Variants in SCN2A observed in about 807,000 individuals in gnomAD.
SCN2A encodes the protein sodium voltage-gated channel alpha subunit 2.
In SCN2A, 20 loss-of-function variants were observed where a neutral mutation model predicts 188.7. The ratio of observed to expected loss-of-function variants is 0.11; its 90% CI spans 0.07 to 0.15. The LOEUF is 0.15. Ranked by LOEUF, SCN2A falls within the 10% of genes least tolerant of loss-of-function variation. The probability of loss-of-function intolerance (pLI) is 1.00; values close to 1 mark genes in which losing one functional copy is unlikely to be tolerated. For synonymous variants in SCN2A, 804 were observed against 833.1 expected, an observed-to-expected ratio of 0.97 and a Z score of 0.60; for missense variants, 1,278 against 2,445.0, an observed-to-expected ratio of 0.52 and a Z score of 10.07.
At chr2:165,239,704 T>C in intron 1 of SCN2A, 64 bp downstream of exon 1, 1 of 736,722 alleles carries the variant, frequency 1.4e-6, no homozygotes, top group Non-Finnish European at 1.7e-6. Context: ...AGAATGACAT[T>C]TAATATAAGA....
At position 165,295,945 on chromosome 2, in the gene SCN2A, G is replaced by T. The variant is rs754993031; in HGVS notation, c.122G>T (p.Arg41Leu). 6.2e-7 allele frequency: 1 copy of T among 1,614,096 alleles called. No homozygotes were observed. The highest frequency in any genetic ancestry group is 1.7e-5 in the Admixed American group (1 of 59,990). ...AAAGCTAAGAGACCCAAACAGGAAC[G>T]CAAGGATGAGGATGATGAAAATGGC... ...EEKAKRPKQERKDEDDENGPK... is the reference protein window; with the variant it reads ...EEKAKRPKQELKDEDDENGPK... The change falls in exon 2 of 27, where the codon CGC becomes CTC. Residue 41 changes from arginine to leucine, a missense_variant. Arg to Leu is a moderately radical substitution (Grantham distance 102). Around this residue, in one of 17 missense-constraint regions of SCN2A, gnomAD observed 141 missense variants for 185.4 expected, o/e 0.76. Transcript: ENST00000375437.
Position 165,304,989 on chromosome 2 carries a change from T to C in SCN2A, c.387-2859T>C, listed in dbSNP as rs73969348. Among the ~76,000 whole-genome samples, 669 of 152,304 alleles carry C rather than the reference T, an allele frequency of 4.4e-3. 3 individuals are homozygous for C. Among genetic ancestry groups the C allele is most frequent in the African/African-American group, 0.013 (550 of 41,566 alleles). On this transcript the variant is annotated intron_variant, in intron 3 of 26. Coordinates refer to ENST00000375437, the MANE Select transcript of SCN2A (RefSeq NM_001040142.2). ...GGAGCCAAACATGAATTTGGAAACATCAGTTTAGAGGAGACTGCAATAATC... is the reference window on the plus strand; with the variant it reads ...GGAGCCAAACATGAATTTGGAAACACCAGTTTAGAGGAGACTGCAATAATC...
chr2:165,324,458 ATCT>A (rs1156680624), intron 12 of SCN2A, among the ~76,000 whole-genome samples: 2 of 152,220 alleles, frequency 1.3e-5, no homozygotes, highest in Non-Finnish European at 2.9e-5. Flanking sequence ...AATAGCCATT[ATCT>A]TCTTCACATT....
At chr2:165,291,971 TGAATTGAGGTCTG>T (rs1372209846) in intron 1 of SCN2A, among the ~76,000 whole-genome samples, 1 of 151,998 alleles carries the variant, frequency 6.6e-6, no homozygotes, top group East Asian at 2.0e-4. Context: ...TTCTTCCCAC[TGAATTGAGGTCTG>T]GAAGGTTGGG....
Position 165,389,539 on chromosome 2 carries a change from T to C in SCN2A, c.5733T>C (p.Ile1911=), listed in dbSNP as rs376740497. ...AACAAGAGGAGGTGTCTGCTATTAT[T>C]ATCCAGAGGGCTTACAGACGCTACC... is the stretch of plus-strand genomic sequence containing the variant. The part of the protein sequence containing the change: ...KRKQEEVSAI[I]IQRAYRRYLL... The change falls in exon 27 of 27, where the codon ATT becomes ATC. Residue 1911 remains isoleucine, a synonymous_variant. Transcript: ENST00000375437. This position sits in a 1 kb window ranked among gnomAD's most constrained non-coding sequence, Gnocchi z 4.2. 55 of 1,613,812 alleles carry C rather than the reference T, an allele frequency of 3.4e-5. No homozygotes were observed. Among genetic ancestry groups the C allele is most frequent in the Non-Finnish European group, 4.3e-5 (51 of 1,179,968 alleles).
intron 1 of SCN2A, among the ~76,000 whole-genome samples, chr2:165,241,903 G>A (rs1693638450): frequency 6.6e-6 from 1 of 152,260 alleles, no homozygotes; most frequent in African/African-American, 2.4e-5. Flanking sequence ...ACAGAAAGTT[G>A]CTTATTCCAG....
chr2:165,326,863 T>C lies in SCN2A; in HGVS notation c.2028T>C (p.Thr676=). The C allele has an allele frequency of 6.2e-7, 1 of 1,613,958 alleles. No individual in the cohort carries two copies. Among genetic ancestry groups the C allele is most frequent in the Non-Finnish European group, 8.5e-7 (1 of 1,179,886 alleles). Residue 676 remains threonine (T), a synonymous_variant, in exon 13 of 27, where the codon ACT becomes ACC. Transcript: ENST00000375437. ...AATTCTACTTCTAGGGCACAACTAC[T>C]GAAACAGAAATAAGAAAGAGACGGT... ...AGQLLPEGTT[T]ETEIRKRRSS...
intron 16 of SCN2A, among the ~76,000 whole-genome samples, chr2:165,348,106 C>T (rs561526712): frequency 9.0e-4 from 137 of 152,220 alleles, no homozygotes; most frequent in Non-Finnish European, 1.5e-3. Flanking sequence ...CGCCTGTAAT[C>T]GCAGCATTTT....
rs1553463905 is a variant in SCN2A, at chr2:165,389,672, G to C, written c.5866G>C (p.Glu1956Gln). ...AGATACTCTCATTGATAAACTGAAT[G>C]AGAATTCAACTCCAGAGAAAACCGA... ...KEDTLIDKLN[E>Q]NSTPEKTDMT... is the part of the protein sequence containing the mutation. Residue 1956 changes from glutamate (E) to glutamine (Q), a missense_variant, in exon 27 of 27, where the codon GAG (glutamate) becomes CAG (glutamine). This residue lies in a region of SCN2A where 109 missense variants were observed against 137.9 expected (regional missense o/e 0.79). Coordinates refer to ENST00000375437, the MANE Select transcript of SCN2A (RefSeq NM_001040142.2). The surrounding 1 kb of genome is among the most constrained non-coding windows in gnomAD (Gnocchi z 4.2). The C allele has an allele frequency of 6.2e-7, 1 of 1,613,930 alleles. No homozygotes were observed. Among genetic ancestry groups the C allele is most frequent in the East Asian group, 2.2e-5 (1 of 44,864 alleles).
In SCN2A at chr2:165,365,152, G is replaced by A; in HGVS notation, c.3409G>A (p.Ala1137Thr). ...DMEESKEKLN[A>T]TSSSEGSTVD... ...TGGGATTGATTTTCAGAAGCTAAAT[G>A]CAACTAGTTCATCTGAAGGCAGCAC... is the stretch of plus-strand genomic sequence containing the variant. The change falls in exon 18 of 27, where the codon GCA (alanine) becomes ACA (threonine). Residue 1137 changes from alanine (A) to threonine (T), a missense_variant. Physicochemically the swap from Ala to Thr is moderately conservative, Grantham distance 58. This residue lies in a region of SCN2A where 228 missense variants were observed against 297.3 expected (regional missense o/e 0.77). Transcript: ENST00000375437. 6.2e-7 allele frequency: 1 copy of A among 1,612,736 alleles called. No individual in the cohort carries two copies. Among genetic ancestry groups the A allele is most frequent in the Non-Finnish European group, 8.5e-7 (1 of 1,179,208 alleles).
chr2:165,314,763 G>A (rs1697641203), intron 10 of SCN2A, among the ~76,000 whole-genome samples: 1 of 152,048 alleles, frequency 6.6e-6, no homozygotes, highest in South Asian at 2.1e-4. Context: ...TTGACTTAAT[G>A]GCATTAACTA....
intron 22 of SCN2A, among the ~76,000 whole-genome samples, chr2:165,376,638 T>C (rs1242701832): frequency 6.6e-6 from 1 of 151,912 alleles, no homozygotes; most frequent in Non-Finnish European, 1.5e-5. Flanking sequence ...TAGGCACTCA[T>C]TGTTTTCCTC....
chr2:165,315,618 A>G lies in SCN2A; in HGVS notation c.1531A>G (p.Lys511Glu). The change falls in exon 11 of 27, where the codon AAA becomes GAA. Residue 511 changes from lysine (K) to glutamate (E), a missense_variant. By Grantham distance (56) the Lys-to-Glu change is moderately conservative. This residue lies in a region of SCN2A where 315 missense variants were observed against 386.6 expected (regional missense o/e 0.81). Transcript: ENST00000375437. ...AAACAGAAGAAAGAAAAAGAAACAGAAAGAACAGTCTGGAGAAGAAGAGAA... is the reference window on the plus strand; with the variant it reads ...AAACAGAAGAAAGAAAAAGAAACAGGAAGAACAGTCTGGAGAAGAAGAGAA... ...LKNRRKKKKQKEQSGEEEKND... is the reference protein window; with the variant it reads ...LKNRRKKKKQEEQSGEEEKND... 6.2e-7 allele frequency: 1 copy of G among 1,614,068 alleles called. No homozygotes were observed. Among genetic ancestry groups the G allele is most frequent in the Admixed American group, 1.7e-5 (1 of 60,004 alleles).
rs568747720 is a variant in SCN2A at position 165,342,885 on chromosome 2, G to A, written c.2562+416G>A. Among the ~76,000 whole-genome samples the A allele has an allele frequency of 3.4e-3, 516 of 152,166 alleles. 3 individuals carry two copies. The highest frequency in any genetic ancestry group is 5.6e-3 in the Admixed American group (86 of 15,278). On this transcript the variant is annotated intron_variant, in intron 15 of 26. Coordinates refer to ENST00000375437, the MANE Select transcript of SCN2A (RefSeq NM_001040142.2). ...ATTGTTCATTGCTCACCTTGTCCCCGTAGAGGAAAGAGTTAAGACAGGGGA... is the reference window on the plus strand; with the variant it reads ...ATTGTTCATTGCTCACCTTGTCCCCATAGAGGAAAGAGTTAAGACAGGGGA...
rs775876331 is a variant in SCN2A, at chr2:165,323,145, G to A, written c.1672-11G>A. On this transcript the variant is annotated splice_polypyrimidine_tract_variant and intron_variant, in intron 11 of 26. Coordinates refer to ENST00000375437, the MANE Select transcript of SCN2A (RefSeq NM_001040142.2). ...TCATCTCATTTTTGTTTCTTCTCTTGTTATTCATAGTCCTTACTGAGCATC... is the reference window on the plus strand; with the variant it reads ...TCATCTCATTTTTGTTTCTTCTCTTATTATTCATAGTCCTTACTGAGCATC... The A allele has an allele frequency of 3.7e-6, 6 of 1,612,426 alleles. No individual in the cohort carries two copies. Among genetic ancestry groups the A allele is most frequent in the Non-Finnish European group, 5.1e-6 (6 of 1,178,794 alleles).
At chr2:165,336,645 T>C (rs1025301467) in intron 14 of SCN2A, among the ~76,000 whole-genome samples, 1 of 151,984 alleles carries the variant, frequency 6.6e-6, no homozygotes, top group African/African-American at 2.4e-5. Context: ...ATGAAAATGT[T>C]CTAAAATTCA....
At position 165,323,468 on chromosome 2, in the gene SCN2A, A is replaced by G. The variant is rs796053111; in HGVS notation, c.1984A>G (p.Thr662Ala). 3 of 1,613,658 alleles carry G rather than the reference A, an allele frequency of 1.9e-6. No individual in the cohort carries two copies. Among genetic ancestry groups the G allele is most frequent in the Non-Finnish European group, 2.5e-6 (3 of 1,179,818 alleles). The change falls in exon 12 of 27, where the codon ACC becomes GCC. Residue 662 changes from threonine to alanine, a missense_variant. By Grantham distance (58) the Thr-to-Ala change is moderately conservative. Transcript: ENST00000375437. ...GGTCTCCCTGGTCGGGGGCCCTTCTACCCTCACATCTGCTGGGCAGCTCCT... is the reference window on the plus strand; with the variant it reads ...GGTCTCCCTGGTCGGGGGCCCTTCTGCCCTCACATCTGCTGGGCAGCTCCT... ...GVVSLVGGPS[T>A]LTSAGQLLPE...
chr2:165,273,178 C>G (rs964171333), intron 1 of SCN2A: 4 of 152,072 alleles, frequency 2.6e-5, no homozygotes, highest in African/African-American at 9.7e-5. Context: ...CTTCCATTTT[C>G]ATCCAATGAA....
intron 17 of SCN2A, among the ~76,000 whole-genome samples, chr2:165,358,558 A>T (rs1261512387): frequency 6.6e-6 from 1 of 152,122 alleles, no homozygotes; most frequent in Non-Finnish European, 1.5e-5. Flanking sequence ...TCTTAGACTG[A>T]AAGAAAAGGA....
Sources: gnomAD v4.1 joint callset for allele counts (sites outside exome capture counted in the v4.1 genomes callset) on GRCh38, gnomAD v4.1.1 for gene constraint, gnomAD v4.1.1 regional missense constraint, Gnocchi (gnomAD v3.1) non-coding constraint, MANE v1.5 for transcripts, NCBI Gene and HGNC (gene_info 2026-07-23, HGNC 2026-07-21) for gene names.